DET1: variants seen among roughly 807,000 people sequenced by gnomAD.
The protein encoded by DET1 is DET1 homolog.
A neutral mutation model predicts 43.7 loss-of-function variants in DET1; 22 were observed. That is an observed-to-expected ratio of 0.50 (90% CI 0.36 to 0.72). DET1 has a LOEUF of 0.72. Among genes scored for constraint, DET1 ranks in the 30% least tolerant of loss-of-function variants. The pLI is 0.00. For missense variants in DET1, 713 were observed against 713.3 expected, an observed-to-expected ratio of 1.00 and a Z score of 0.00; for synonymous variants, 315 against 266.2, an observed-to-expected ratio of 1.18 and a Z score of -1.79.
At chr15:88,542,727 G>T (rs1444133758) in intron 1 of DET1, among the ~76,000 whole-genome samples, 4 of 152,160 alleles carry the variant, frequency 2.6e-5, no homozygotes, top group African/African-American at 9.7e-5. Flanking sequence ...CTTACTAATG[G>T]CTATCCAAGA....
At chr15:88,518,655 T>C (rs1567060103) in intron 3 of DET1, among the ~76,000 whole-genome samples, 1 of 152,232 alleles carries the variant, frequency 6.6e-6, no homozygotes, top group African/African-American at 2.4e-5. Flanking sequence ...TTTAAACCTC[T>C]ATATTCAAGC....
intron 1 of DET1, among the ~76,000 whole-genome samples, chr15:88,539,211 C>T (rs936923289): frequency 5.3e-5 from 8 of 151,888 alleles, no homozygotes; most frequent in Admixed American, 3.9e-4. Flanking sequence ...AGGACAAAGG[C>T]TTGCATTTGT....
At position 88,516,144 on chromosome 15, in the gene DET1, C is replaced by A. The variant is rs904685728; in HGVS notation, c.1463+638G>T. The stretch of plus-strand genomic sequence containing the variant: ...CCAGCCTATAGCCTCAGGAACACAC[C>A]CCCCTTGAGATAACTCCACTAGTGA... On this transcript the variant is annotated intron_variant, in intron 4 of 4. Coordinates refer to ENST00000268148, the MANE Select transcript of DET1 (RefSeq NM_001144074.3). The surrounding 1 kb of genome is among the most constrained non-coding windows in gnomAD (Gnocchi z 4.4). 6.6e-6 allele frequency among the ~76,000 whole-genome samples: 1 copy of A among 152,006 alleles called. No homozygotes were observed. Among genetic ancestry groups the A allele is most frequent in the Non-Finnish European group, 1.5e-5 (1 of 67,988 alleles).
intron 3 of DET1, among the ~76,000 whole-genome samples, chr15:88,523,630 G>C (rs540291795): frequency 7.9e-5 from 12 of 152,318 alleles, no homozygotes; most frequent in African/African-American, 2.6e-4. Flanking sequence ...TGGCAGAGAC[G>C]GGGTTTTGCT....
At chr15:88,526,663 A>G (rs2056671674) in intron 3 of DET1, among the ~76,000 whole-genome samples, 1 of 152,238 alleles carries the variant, frequency 6.6e-6, no homozygotes, top group East Asian at 1.9e-4. Flanking sequence ...CCTACCCTTC[A>G]GTATGTCAAC....
intron 1 of DET1, among the ~76,000 whole-genome samples, chr15:88,536,980 G>C (rs527951622): frequency 6.6e-6 from 1 of 151,942 alleles, no homozygotes; most frequent in Non-Finnish European, 1.5e-5. Flanking sequence ...ATTTTAAAAC[G>C]TACACACAAT....
intron 1 of DET1, among the ~76,000 whole-genome samples, chr15:88,535,244 C>T (rs2056917020): frequency 3.3e-5 from 5 of 152,022 alleles, no homozygotes; most frequent in Non-Finnish European, 1.5e-5. Flanking sequence ...AAAAAACTCA[C>T]TGATGGGCTC....
At chr15:88,528,116 G>C (rs2056715796) in intron 2 of DET1, among the ~76,000 whole-genome samples, 1 of 152,220 alleles carries the variant, frequency 6.6e-6, no homozygotes, top group South Asian at 2.1e-4. Context: ...TTCAAACTGT[G>C]CAAATTCAAT....
Position 88,530,144 on chromosome 15 carries a change from A to G in DET1, c.1083+479T>C, listed in dbSNP as rs1453219105. 2.0e-5 allele frequency among the ~76,000 whole-genome samples: 3 copies of G among 152,204 alleles called. No homozygotes were observed. In the East Asian group the frequency reaches 5.8e-4, roughly 29 times the overall value. On this transcript the variant is annotated intron_variant, in intron 2 of 4. Transcript: ENST00000268148. ...ACTTATTAGTTACCTTATAAATAGGACTTTATAGTACTTTACAGAGAAGTA... is the reference window on the plus strand; with the variant it reads ...ACTTATTAGTTACCTTATAAATAGGGCTTTATAGTACTTTACAGAGAAGTA...
intron 1 of DET1, among the ~76,000 whole-genome samples, chr15:88,536,587 G>A: frequency 6.6e-6 from 1 of 151,890 alleles, no homozygotes; most frequent in East Asian, 1.9e-4. Context: ...AGACCAGCCT[G>A]GCCAACATAG....
chr15:88,521,510 C>A (rs2056489280), intron 3 of DET1, among the ~76,000 whole-genome samples: 1 of 152,188 alleles, frequency 6.6e-6, no homozygotes, highest in African/African-American at 2.4e-5. Context: ...ACTCTCTTTG[C>A]CTCTCTCCAG....
chr15:88,512,324 A>C, downstream of DET1: 1 of 985,034 alleles, frequency 1.0e-6, no homozygotes, highest in Non-Finnish European at 1.2e-6. Flanking sequence ...ATCCTGGCAG[A>C]TAACTGTCTT....
At chr15:88,515,086 G>A (rs1299197097) in intron 4 of DET1, among the ~76,000 whole-genome samples, 4 of 152,032 alleles carry the variant, frequency 2.6e-5, no homozygotes, top group African/African-American at 7.2e-5. Flanking sequence ...TCTCATTCCC[G>A]CTTTACAGGA....
In DET1 at chr15:88,540,463, TA is replaced by T. The variant is rs531746270; in HGVS notation, c.-11+6076del. Reference sequence around the variant, plus strand: ...GCTCAAATTCTGTTAAATTGCCTTCTAAAAAAAAAAAAAAATGGGAAACACT... The same window carrying T: ...GCTCAAATTCTGTTAAATTGCCTTCTAAAAAAAAAAAAAATGGGAAACACT... On this transcript the variant is annotated intron_variant, in intron 1 of 4. Coordinates refer to ENST00000268148, the MANE Select transcript of DET1 (RefSeq NM_001144074.3). Among the ~76,000 whole-genome samples, 993 of 136,242 alleles carry T rather than the reference TA, an allele frequency of 7.3e-3. 3 individuals are homozygous for T. The highest frequency in any genetic ancestry group is 7.6e-3 in the East Asian group (36 of 4,730). The allele number at this position is 136,242 out of a possible 152,430, so 89.4% of individuals were successfully genotyped here.
chr15:88,508,503 C>G (rs2056165252), downstream of DET1, among the ~76,000 whole-genome samples: 1 of 152,024 alleles, frequency 6.6e-6, no homozygotes, highest in South Asian at 2.1e-4. Context: ...CAAAGAGGAC[C>G]AAGAAGCAAC....
At chr15:88,534,845 C>A (rs1285271358) in intron 1 of DET1, among the ~76,000 whole-genome samples, 1 of 152,152 alleles carries the variant, frequency 6.6e-6, no homozygotes, top group Non-Finnish European at 1.5e-5. Context: ...CACCAACATC[C>A]TCTTAGGATT....
chr15:88,536,323 CT>C (rs1443334159), intron 1 of DET1: 3 of 779,194 alleles, frequency 3.9e-6, no homozygotes, highest in Admixed American at 1.7e-5. Flanking sequence ...TTTTTAGTAT[CT>C]GTCCCACCAT....
intron 1 of DET1, among the ~76,000 whole-genome samples, chr15:88,533,394 T>A (rs1316016907): frequency 1.3e-5 from 2 of 152,050 alleles, no homozygotes; most frequent in African/African-American, 4.8e-5. Flanking sequence ...TTGAAGAAAA[T>A]TAGAACTACC....
intron 4 of DET1, among the ~76,000 whole-genome samples, chr15:88,513,385 A>G (rs915500333): frequency 1.4e-4 from 22 of 152,156 alleles, no homozygotes; most frequent in African/African-American, 5.3e-4. Flanking sequence ...CTCTTTCCTG[A>G]GATGACTCAG....
Sources: allele counts gnomAD v4.1 joint callset (sites outside exome capture counted in the v4.1 genomes callset), GRCh38; gene constraint gnomAD v4.1.1; non-coding constraint Gnocchi (gnomAD v3.1); transcripts MANE v1.5; gene names NCBI Gene and HGNC (gene_info 2026-07-23, HGNC 2026-07-21).